The following NAV2 variants were observed in gnomAD, a reference collection of about 807,000 sequenced individuals.
NAV2 encodes neuron navigator 2, also known as helicase, APC down-regulated 1.
In NAV2, 54 loss-of-function variants were observed where a neutral mutation model predicts 223.2. The observed-to-expected ratio is 0.24, with a 90% CI of 0.19 to 0.30. NAV2 has a LOEUF of 0.30. NAV2 is among the 10% of genes least tolerant of loss of function. The pLI, the probability that NAV2 is intolerant of heterozygous loss-of-function variation, is 1.00. For synonymous variants in NAV2, 1,279 were observed against 1,239.3 expected (o/e 1.03, Z -0.67); for missense variants, 2,806 against 3,147.5 (o/e 0.89, Z 2.60).
intron 1 of NAV2, among the ~76,000 whole-genome samples, chr11:19,821,151 A>G (rs1215512413): frequency 3.3e-5 from 5 of 151,620 alleles, no homozygotes; most frequent in Non-Finnish European, 5.9e-5. Flanking sequence ...AGTCCCAGCT[A>G]CTTGGGAGGC....
At chr11:19,639,640 C>A (rs1434625222) in intron 1 of NAV2, among the ~76,000 whole-genome samples, 1 of 152,112 alleles carries the variant, frequency 6.6e-6, no homozygotes, top group Non-Finnish European at 1.5e-5. Context: ...AAAAAACAAC[C>A]CCATTGCCGA....
At chr11:19,635,823 T>C (rs2047483057) in intron 1 of NAV2, among the ~76,000 whole-genome samples, 3 of 152,154 alleles carry the variant, frequency 2.0e-5, no homozygotes, top group Admixed American at 2.0e-4. Flanking sequence ...GCAATTAAAC[T>C]TCAGCATGAG....
At chr11:19,813,017 C>A (rs2058915569) in intron 1 of NAV2, among the ~76,000 whole-genome samples, 1 of 152,110 alleles carries the variant, frequency 6.6e-6, no homozygotes, top group Non-Finnish European at 1.5e-5. Flanking sequence ...AATCTGGAAT[C>A]CGGCACCCAT....
chr11:19,848,383 A>T lies in NAV2; in HGVS notation c.438+5460A>T, dbSNP rs929493863. On this transcript the variant is annotated intron_variant, in intron 3 of 37. Transcript: ENST00000349880. ...CCAGCACCTGGGGAGATGCAGCGGG[A>T]TGTAGCCTAGGAAGGAACATGGCAG... Among the ~76,000 whole-genome samples the T allele has an allele frequency of 1.2e-4, 18 of 152,176 alleles. 1 individual carries two copies. Among genetic ancestry groups the T allele is most frequent in the Non-Finnish European group, 7.4e-5 (5 of 68,024 alleles).
At chr11:19,818,750 C>G (rs530931728) in intron 1 of NAV2, among the ~76,000 whole-genome samples, 2 of 152,190 alleles carry the variant, frequency 1.3e-5, no homozygotes, top group Non-Finnish European at 2.9e-5. Flanking sequence ...TACCAAGCTA[C>G]TGAAATTGTC....
intron 1 of NAV2, among the ~76,000 whole-genome samples, chr11:19,742,049 G>A (rs373373545): frequency 6.3e-4 from 96 of 152,204 alleles, no homozygotes; most frequent in African/African-American, 2.0e-3. Context: ...CCTAACAGGT[G>A]TAAGGTAATA....
chr11:19,809,123 T>A (rs972880742), intron 1 of NAV2, among the ~76,000 whole-genome samples: 6 of 152,258 alleles, frequency 3.9e-5, no homozygotes, highest in Admixed American at 2.0e-4. Flanking sequence ...GAATGGCTTC[T>A]TTTTTGTTAA....
At chr11:20,082,766 C>G (rs1008995105) in intron 25 of NAV2, among the ~76,000 whole-genome samples, 4 of 152,184 alleles carry the variant, frequency 2.6e-5, no homozygotes, top group African/African-American at 4.8e-5. Flanking sequence ...CTGTTGGCAT[C>G]TAGTCTTGAA....
intron 1 of NAV2, among the ~76,000 whole-genome samples, chr11:19,480,102 T>C (rs1336868858): frequency 2.6e-5 from 4 of 152,148 alleles, no homozygotes; most frequent in African/African-American, 9.7e-5. Context: ...ATTTACTATC[T>C]GGCCCTGGAC....
At chr11:19,404,148 A>G (rs192029985) in intron 1 of NAV2, among the ~76,000 whole-genome samples, 10 of 152,110 alleles carry the variant, frequency 6.6e-5, no homozygotes, top group African/African-American at 2.4e-4. Context: ...TGGGAGCCCA[A>G]TTGCTCGGGG....
intron 1 of NAV2, among the ~76,000 whole-genome samples, chr11:19,698,831 T>A (rs536223157): frequency 1.7e-4 from 25 of 151,386 alleles, no homozygotes; most frequent in Admixed American, 5.3e-4. Flanking sequence ...AGAGAGAGAG[T>A]GTGTGTGTAT....
chr11:19,621,955 G>T (rs2047011721), intron 1 of NAV2, among the ~76,000 whole-genome samples: 1 of 152,170 alleles, frequency 6.6e-6, no homozygotes, highest in African/African-American at 2.4e-5. Flanking sequence ...GGTATGTTGT[G>T]TCTTTGTTCT....
At chr11:19,688,051 G>A (rs2049072422) in intron 1 of NAV2, among the ~76,000 whole-genome samples, 2 of 152,196 alleles carry the variant, frequency 1.3e-5, no homozygotes, top group African/African-American at 2.4e-5. Flanking sequence ...GGTTTCTTCA[G>A]AGATCATAGA....
At chr11:19,629,798 C>T (rs2047293551) in intron 1 of NAV2, among the ~76,000 whole-genome samples, 1 of 152,204 alleles carries the variant, frequency 6.6e-6, no homozygotes, top group Non-Finnish European at 1.5e-5. Flanking sequence ...TCACACCCTG[C>T]ACTTTCCCGC....
intron 1 of NAV2, among the ~76,000 whole-genome samples, chr11:19,451,237 C>G (rs901575): frequency 0.71 from 107,635 of 151,846 alleles, 38,338 homozygotes; most frequent in East Asian, 0.89. Context: ...AGCCTGCTGC[C>G]TATTGTCTCC....
chr11:19,429,676 CTT>C (rs1304562667), intron 1 of NAV2, among the ~76,000 whole-genome samples: 1 of 152,208 alleles, frequency 6.6e-6, no homozygotes, highest in Non-Finnish European at 1.5e-5. Context: ...GTGCTGGACA[CTT>C]TAAAGATTGA....
intron 6 of NAV2, among the ~76,000 whole-genome samples, chr11:19,898,609 A>G (rs1785631275): frequency 6.6e-6 from 1 of 152,112 alleles, no homozygotes; most frequent in South Asian, 2.1e-4. Flanking sequence ...TGTTGTTTCC[A>G]ATTTTTTGAT....
chr11:20,107,179 G>C, intron 35 of NAV2: 1 of 139,102 alleles, frequency 7.2e-6, no homozygotes, highest in East Asian at 2.2e-4. Context: ...CCAGGTTCAC[G>C]CCATTCTCCT....
chr11:20,077,462 C>A, intron 22 of NAV2, 90 bp from the exon 23 acceptor site: 1 of 967,400 alleles, frequency 1.0e-6, no homozygotes, highest in South Asian at 1.4e-5. Flanking sequence ...ATCAATGGAC[C>A]CACAGGATTT....
Sources: gnomAD v4.1 joint callset for allele counts (sites outside exome capture counted in the v4.1 genomes callset) on GRCh38, gnomAD v4.1.1 for gene constraint, MANE v1.5 for transcripts, NCBI Gene and HGNC (gene_info 2026-07-23, HGNC 2026-07-21) for gene names.